The following PPP4R4 variants were observed in gnomAD, a reference collection of about 807,000 sequenced individuals.
The protein encoded by PPP4R4 is protein phosphatase 4 regulatory subunit 4.
In PPP4R4, 70 loss-of-function variants were observed where a neutral mutation model predicts 121.8. That is an observed-to-expected ratio of 0.57 (90% CI 0.47 to 0.70). PPP4R4 has a LOEUF of 0.70. PPP4R4 is among the 30% of genes least tolerant of loss of function. PPP4R4 has a pLI of 0.00. For missense variants in PPP4R4, 875 were observed against 1,033.6 expected (o/e 0.85, Z 2.10); for synonymous variants, 348 against 355.7 (o/e 0.98, Z 0.24).
In PPP4R4 at chr14:94,219,511, G is replaced by A. The variant is rs569361501; in HGVS notation, c.294+10945G>A. On this transcript the variant is annotated intron_variant, in intron 3 of 24. Transcript: ENST00000304338. Reference sequence around the variant, plus strand: ...CAAATTCTTTCAGAAAATAGAGGAGGAGGTAAGAACTTCCTGATAAACTTT... The same window carrying A: ...CAAATTCTTTCAGAAAATAGAGGAGAAGGTAAGAACTTCCTGATAAACTTT... Among the ~76,000 whole-genome samples, 4 of 152,252 alleles carry A rather than the reference G, an allele frequency of 2.6e-5. No homozygotes were observed. The South Asian group carries it at 8.3e-4, about 32-fold the overall frequency.
chr14:94,275,390 T>G lies in PPP4R4; in HGVS notation c.2466T>G (p.Thr822=). 1.2e-6 allele frequency: 2 copies of G among 1,614,016 alleles called. No individual in the cohort carries two copies. The highest frequency in any genetic ancestry group is 4.5e-5 in the East Asian group (2 of 44,872). The change falls in exon 24 of 25, where the codon ACT becomes ACG. Residue 822 remains threonine (T), a synonymous_variant. Transcript: ENST00000304338. Reference sequence around the variant, plus strand: ...TGCTTTCAGATGATTCATTCCGGACTCGTAATGCCAGTAGCGTTCCATCTT... The same window carrying G: ...TGCTTTCAGATGATTCATTCCGGACGCGTAATGCCAGTAGCGTTCCATCTT... The part of the protein sequence containing the change: ...VLSLADDSFR[T]RNASSVPSSF...
intron 2 of PPP4R4, among the ~76,000 whole-genome samples, chr14:94,194,747 G>A (rs887039772): frequency 1.3e-5 from 2 of 152,076 alleles, no homozygotes; most frequent in African/African-American, 4.8e-5. Context: ...GGGACTATAG[G>A]CGCAGTACCC....
intron 14 of PPP4R4, among the ~76,000 whole-genome samples, chr14:94,247,412 T>C (rs750324361): frequency 3.3e-5 from 5 of 152,208 alleles, no homozygotes; most frequent in African/African-American, 1.2e-4. Context: ...ATACCAGTTG[T>C]ACCACTGCCC....
In PPP4R4 at chr14:94,174,476, C is replaced by G. The variant is rs114546840; in HGVS notation, c.11C>G (p.Pro4Arg). Reference protein sequence around the residue: MHPPPPAAAMDFSQ... With the variant: MHPRPPAAAMDFSQ... Reference sequence around the variant, plus strand: ...AGTGCCCGGCGGTCCATGCATCCGCCGCCGCCCGCCGCCGCGATGGATTTC... The same window carrying G: ...AGTGCCCGGCGGTCCATGCATCCGCGGCCGCCCGCCGCCGCGATGGATTTC... Residue 4 changes from proline to arginine, a missense_variant, in exon 1 of 25, where the codon CCG (proline) becomes CGG (arginine). Physicochemically the swap from Pro to Arg is moderately radical, Grantham distance 103. Coordinates refer to ENST00000304338, the MANE Select transcript of PPP4R4 (RefSeq NM_058237.2). The G allele has an allele frequency of 1.0e-5, 16 of 1,603,944 alleles. No individual in the cohort carries two copies. The highest frequency in any genetic ancestry group is 1.4e-5 in the Non-Finnish European group (16 of 1,176,264).
intron 23 of PPP4R4, among the ~76,000 whole-genome samples, chr14:94,274,347 G>A (rs1017096401): frequency 6.6e-6 from 1 of 151,528 alleles, no homozygotes; most frequent in South Asian, 2.1e-4. Flanking sequence ...AAAATAAAAG[G>A]CAAGGCATAG....
chr14:94,271,008 AT>A (rs1459463843), intron 23 of PPP4R4, among the ~76,000 whole-genome samples: 1 of 152,136 alleles, frequency 6.6e-6, no homozygotes, highest in African/African-American at 2.4e-5. Context: ...GCTCATATCT[AT>A]TAAAGAAATT....
chr14:94,186,929 T>C (rs1393740272), intron 2 of PPP4R4, among the ~76,000 whole-genome samples: 2 of 152,226 alleles, frequency 1.3e-5, no homozygotes, highest in Admixed American at 1.3e-4. Context: ...TTTAGTATTT[T>C]GAAACTGTGT....
intron 2 of PPP4R4, among the ~76,000 whole-genome samples, chr14:94,194,831 C>T (rs146586821): frequency 2.3e-4 from 35 of 152,274 alleles, no homozygotes; most frequent in African/African-American, 8.2e-4. Context: ...ATGTTCACAG[C>T]CCCAAGAAAT....
At chr14:94,196,565 C>T (rs1012472889) in intron 2 of PPP4R4, among the ~76,000 whole-genome samples, 20 of 152,028 alleles carry the variant, frequency 1.3e-4, no homozygotes, top group African/African-American at 3.1e-4. Context: ...CTGCCTGCGT[C>T]GGCCTCCCAA....
Position 94,231,309 on chromosome 14 carries a change from G to A in PPP4R4, c.510G>A (p.Arg170=), listed in dbSNP as rs1892019204. The A allele has an allele frequency of 1.9e-6, 3 of 1,607,756 alleles. 1 individual carries two copies. The highest frequency in any genetic ancestry group is 3.3e-4 in the Middle Eastern group (2 of 6,066). Residue 170 remains arginine (R), a synonymous_variant, in exon 5 of 25, where the codon CGG becomes CGA. Coordinates refer to ENST00000304338, the MANE Select transcript of PPP4R4 (RefSeq NM_058237.2). The stretch of plus-strand genomic sequence containing the variant: ...AAGTATTGCCAAAAGAAACCCTACG[G>A]CATGAGGTAATACTTTCATGGGGGC... ...VIEVLPKETL[R]HEILNPLVSK... is the part of the protein sequence containing the mutation.
At chr14:94,250,463 ACT>A (rs1893120303) in intron 15 of PPP4R4, among the ~76,000 whole-genome samples, 186 bp downstream of exon 15, 2 of 151,926 alleles carry the variant, frequency 1.3e-5, no homozygotes, top group Admixed American at 6.6e-5. Flanking sequence ...AGTAATAATT[ACT>A]CTGTTTTCTT....
intron 15 of PPP4R4, among the ~76,000 whole-genome samples, chr14:94,250,482 A>G (rs999802764): frequency 1.3e-5 from 2 of 151,996 alleles, no homozygotes; most frequent in African/African-American, 4.8e-5. Context: ...TCTTTTGTAA[A>G]TGTCTACACT....
intron 3 of PPP4R4, 89 bp from the exon 4 acceptor site, chr14:94,230,498 C>T: frequency 8.2e-7 from 1 of 1,221,754 alleles, no homozygotes; most frequent in Non-Finnish European, 1.1e-6. Context: ...TGGAATATGA[C>T]TATTTAGTTT....
chr14:94,270,248 G>T (rs1894255437), intron 23 of PPP4R4, among the ~76,000 whole-genome samples: 2 of 152,112 alleles, frequency 1.3e-5, no homozygotes, highest in South Asian at 4.1e-4. Flanking sequence ...TAAATAAATG[G>T]AGAAATATAA....
intron 2 of PPP4R4, among the ~76,000 whole-genome samples, chr14:94,201,924 A>ATGTG (rs140583296): frequency 6.6e-6 from 1 of 150,984 alleles, no homozygotes; most frequent in Non-Finnish European, 1.5e-5. Context: ...GATAAAGAAA[A>ATGTG]TGTGTGTGTG....
rs182165328 is a variant in PPP4R4, at chr14:94,234,607, T to C, written c.669T>C (p.Asp223=). 216 of 1,609,704 alleles carry C rather than the reference T, an allele frequency of 1.3e-4. 2 individuals carry two copies. The South Asian group carries it at 1.6e-3, about 12-fold the overall frequency. The change falls in exon 7 of 25, where the codon GAT becomes GAC. Residue 223 remains aspartate (D), a synonymous_variant. Coordinates refer to ENST00000304338, the MANE Select transcript of PPP4R4 (RefSeq NM_058237.2). ...CTCTGGTAAAATCACTCTGTCAAGA[T>C]GTAGAATATGAAGTTCGATCTTGTA... ...ILPLVKSLCQ[D]VEYEVRSCMC... is the part of the protein sequence containing the mutation.
At chr14:94,259,498 C>G (rs1001262271) in intron 19 of PPP4R4, 129 bp downstream of exon 19, 25 of 1,249,814 alleles carry the variant, frequency 2.0e-5, no homozygotes, top group Non-Finnish European at 2.5e-5. Context: ...AATGATAGTC[C>G]AGTTTTTTGA....
chr14:94,270,833 G>A (rs998144751), intron 23 of PPP4R4, among the ~76,000 whole-genome samples: 14 of 151,472 alleles, frequency 9.2e-5, no homozygotes, highest in African/African-American at 3.2e-4. Context: ...CAGGAGAATC[G>A]CTTGAACCTG....
intron 23 of PPP4R4, among the ~76,000 whole-genome samples, chr14:94,268,553 G>A (rs950580350): frequency 6.6e-6 from 1 of 152,106 alleles, no homozygotes; most frequent in African/African-American, 2.4e-5. Context: ...TTTATGAGGT[G>A]TATTTGTCTG....
Sources: allele counts gnomAD v4.1 joint callset (sites outside exome capture counted in the v4.1 genomes callset), GRCh38; gene constraint gnomAD v4.1.1; transcripts MANE v1.5; gene names NCBI Gene and HGNC (gene_info 2026-07-23, HGNC 2026-07-21).